EFCAB6: variants seen among roughly 807,000 people sequenced by gnomAD.
The protein encoded by EFCAB6 is EF-hand calcium binding domain 6.
A neutral mutation model predicts 169.8 loss-of-function variants in EFCAB6; 156 were observed. That is an observed-to-expected ratio of 0.92 (90% confidence interval 0.81 to 1.05). The LOEUF (loss-of-function observed/expected upper bound fraction) is 1.05, where lower values mean the gene tolerates loss of function less well. Among genes scored for constraint, EFCAB6 ranks in the 50% least tolerant of loss-of-function variants. EFCAB6 has a pLI of 0.00. For missense variants in EFCAB6, 1,800 were observed against 1,829.1 expected (o/e 0.98, Z 0.29); for synonymous variants, 698 against 676.4 (o/e 1.03, Z -0.50).
intron 13 of EFCAB6, among the ~76,000 whole-genome samples, chr22:43,676,226 G>A (rs893546051): frequency 3.3e-5 from 5 of 151,902 alleles, no homozygotes; most frequent in African/African-American, 1.2e-4. Context: ...GACCATCCTG[G>A]CTAACATGGT....
intron 6 of EFCAB6, among the ~76,000 whole-genome samples, chr22:43,752,609 G>A (rs1462942289): frequency 6.6e-6 from 1 of 152,110 alleles, no homozygotes; most frequent in Non-Finnish European, 1.5e-5. Context: ...ATAATTCCAG[G>A]CTGTGGGACA....
chr22:43,717,697 G>A (rs1467363678), intron 8 of EFCAB6, among the ~76,000 whole-genome samples: 1 of 152,080 alleles, frequency 6.6e-6, no homozygotes, highest in African/African-American at 2.4e-5. Context: ...ACCAGTTCTG[G>A]CTTGTGTATA....
intron 6 of EFCAB6, among the ~76,000 whole-genome samples, chr22:43,742,886 A>G (rs1401626093): frequency 6.6e-6 from 1 of 152,202 alleles, no homozygotes; most frequent in Non-Finnish European, 1.5e-5. Flanking sequence ...CCTCGGCATG[A>G]TGGCTGAAGC....
chr22:43,684,811 C>T (rs1402376642), intron 11 of EFCAB6, among the ~76,000 whole-genome samples: 1 of 152,180 alleles, frequency 6.6e-6, no homozygotes, highest in Non-Finnish European at 1.5e-5. Context: ...CAGATTTTAT[C>T]CACCGGGTAC....
chr22:43,683,822 G>A lies in EFCAB6; in HGVS notation c.1176C>T (p.Asn392=), dbSNP rs1348406701. 6.2e-7 allele frequency: 1 copy of A among 1,613,396 alleles called. No individual in the cohort carries two copies. Among genetic ancestry groups the A allele is most frequent in the Admixed American group, 1.7e-5 (1 of 60,022 alleles). ...INSRNESHKE[N]IITKLFRHTE... is the part of the protein sequence containing the mutation. ...TGTGTCTAAATAACTTTGTGATGAT[G>A]TTTTCCTTGTGAGATTCATTTCTAG... Residue 392 remains asparagine, a synonymous_variant, in exon 12 of 32, where the codon AAC becomes AAT. Coordinates refer to ENST00000262726, the MANE Select transcript of EFCAB6 (RefSeq NM_022785.4).
rs116476072 is a variant in EFCAB6, at chr22:43,721,712, C to T, written c.758-4740G>A. On this transcript the variant is annotated intron_variant, in intron 8 of 31. Transcript: ENST00000262726. ...CCATATGCAGAAGAATGAATCTGGA[C>T]CCTTACCTTTCACTATATATAAAAA... Among the ~76,000 whole-genome samples, 1,487 of 152,148 alleles carry T rather than the reference C, an allele frequency of 9.8e-3. 27 individuals carry two copies. Among genetic ancestry groups the T allele is most frequent in the African/African-American group, 0.034 (1,395 of 41,518 alleles).
At chr22:43,682,384 A>G (rs1785665248) in intron 12 of EFCAB6, among the ~76,000 whole-genome samples, 1 of 152,218 alleles carries the variant, frequency 6.6e-6, no homozygotes. Context: ...TAGCACAACA[A>G]TGACTTTTAA....
chr22:43,707,008 T>C (rs897342548), intron 10 of EFCAB6, among the ~76,000 whole-genome samples: 3 of 152,202 alleles, frequency 2.0e-5, no homozygotes, highest in Non-Finnish European at 4.4e-5. Flanking sequence ...GAAAGACCCA[T>C]GTCAAGGACA....
At chr22:43,808,439 C>T (rs8140172) in intron 2 of EFCAB6, among the ~76,000 whole-genome samples, 15,410 of 152,198 alleles carry the variant, frequency 0.1, 2,246 homozygotes, top group African/African-American at 0.32. Context: ...GACTTACTGA[C>T]ATGCAAAACT....
intron 17 of EFCAB6, among the ~76,000 whole-genome samples, 168 bp from the exon 18 acceptor site, chr22:43,635,384 G>A (rs1328178253): frequency 2.0e-5 from 3 of 152,112 alleles, no homozygotes; most frequent in Non-Finnish European, 4.4e-5. Flanking sequence ...CTGTGTCCCT[G>A]GGCCTTGCAC....
intron 17 of EFCAB6, among the ~76,000 whole-genome samples, chr22:43,662,221 ATCTT>A (rs1183768142): frequency 8.6e-5 from 13 of 150,954 alleles, no homozygotes; most frequent in Non-Finnish European, 4.4e-5. Flanking sequence ...AGTAGACAGA[ATCTT>A]TCTGGCCACA....
intron 20 of EFCAB6, among the ~76,000 whole-genome samples, chr22:43,625,293 C>T (rs2054422852): frequency 1.3e-5 from 2 of 152,068 alleles, no homozygotes; most frequent in African/African-American, 4.8e-5. Flanking sequence ...CCGTGAGTGC[C>T]TCAAGGACAA....
At chr22:43,608,731 T>G in intron 21 of EFCAB6, 131 bp from the exon 22 acceptor site, 1 of 782,164 alleles carries the variant, frequency 1.3e-6, no homozygotes, top group East Asian at 2.5e-5. Flanking sequence ...AATCACCTTT[T>G]AATCTACGTT....
chr22:43,803,469 C>T (rs993093528), intron 2 of EFCAB6, among the ~76,000 whole-genome samples: 1 of 152,078 alleles, frequency 6.6e-6, no homozygotes, highest in African/African-American at 2.4e-5. Flanking sequence ...TGATTGTCTG[C>T]CCATGTCCTG....
Position 43,811,716 on chromosome 22 carries a change from C to G in EFCAB6, c.-145+452G>C, listed in dbSNP as rs73424337. On this transcript the variant is annotated intron_variant, in intron 1 of 31. Coordinates refer to ENST00000262726, the MANE Select transcript of EFCAB6 (RefSeq NM_022785.4). ...TGACTTTGGAAAAGCCCCTTCACCC[C>G]ACAGGTTTCAAGTCCTCGTCTGTCT... Among the ~76,000 whole-genome samples the G allele has an allele frequency of 7.6e-3, 1,150 of 152,220 alleles. 17 individuals are homozygous for G. The highest frequency in any genetic ancestry group is 0.027 in the African/African-American group (1,115 of 41,524).
chr22:43,668,828 G>A (rs745424807), intron 16 of EFCAB6, 44 bp downstream of exon 16: 5 of 1,485,274 alleles, frequency 3.4e-6, no homozygotes, highest in Admixed American at 4.4e-5. Flanking sequence ...TTCCATGACA[G>A]ACACTGTGGT....
intron 20 of EFCAB6, among the ~76,000 whole-genome samples, 170 bp downstream of exon 20, chr22:43,626,277 T>A (rs1347067209): frequency 1.3e-5 from 2 of 152,216 alleles, no homozygotes; most frequent in Non-Finnish European, 2.9e-5. Flanking sequence ...TATTTTCTGG[T>A]TGTTCTACAC....
chr22:43,683,334 C>A (rs754991680), intron 12 of EFCAB6, among the ~76,000 whole-genome samples: 1 of 152,134 alleles, frequency 6.6e-6, no homozygotes, highest in Non-Finnish European at 1.5e-5. Context: ...GCTATTTTGG[C>A]ACTAAGAAAA....
intron 10 of EFCAB6, among the ~76,000 whole-genome samples, chr22:43,694,207 GGAGA>G (rs531351595): frequency 1.5e-4 from 23 of 151,554 alleles, no homozygotes; most frequent in African/African-American, 5.6e-4. Context: ...CAGAAAGAGA[GGAGA>G]GAAAGAATGG....
Sources: allele counts gnomAD v4.1 joint callset (sites outside exome capture counted in the v4.1 genomes callset), GRCh38; gene constraint gnomAD v4.1.1; transcripts MANE v1.5; gene names NCBI Gene and HGNC (gene_info 2026-07-23, HGNC 2026-07-21).